The following MUC13 variants were observed in gnomAD, a reference collection of about 807,000 sequenced individuals.
MUC13 encodes the protein mucin-13.
In MUC13, 32 loss-of-function variants were observed where a neutral mutation model predicts 48.3. The ratio of observed to expected loss-of-function variants is 0.66; its 90% confidence interval spans 0.50 to 0.89. The LOEUF is 0.89. Ranked by LOEUF, MUC13 falls within the 40% of genes least tolerant of loss-of-function variation. The probability of loss-of-function intolerance (pLI) is 0.00; values close to 1 mark genes in which losing one functional copy is unlikely to be tolerated. For synonymous variants in MUC13, 199 were observed against 224.9 expected, an observed-to-expected ratio of 0.88 and a Z score of 1.03; for missense variants, 571 against 622.8, an observed-to-expected ratio of 0.92 and a Z score of 0.88.
At chr3:124,916,812 G>A (rs1321866526) in intron 5 of MUC13, among the ~76,000 whole-genome samples, 1 of 152,178 alleles carries the variant, frequency 6.6e-6, no homozygotes, top group Non-Finnish European at 1.5e-5. Flanking sequence ...ATTAGAACAA[G>A]TAATACCTGA....
chr3:124,934,351 A>C (rs1433004157), intron 1 of MUC13, among the ~76,000 whole-genome samples: 1 of 152,086 alleles, frequency 6.6e-6, no homozygotes, highest in Non-Finnish European at 1.5e-5. Flanking sequence ...GTAGAGATGG[A>C]GTTTCACCAT....
At chr3:124,916,162 AG>A (rs1367597213) in intron 6 of MUC13, among the ~76,000 whole-genome samples, 154 bp downstream of exon 6, 1 of 152,256 alleles carries the variant, frequency 6.6e-6, no homozygotes, top group East Asian at 1.9e-4. Context: ...CAAGCGAACA[AG>A]AAAAGGGAAG....
intron 3 of MUC13, 76 bp downstream of exon 3, chr3:124,923,451 C>T: frequency 1.3e-6 from 2 of 1,485,762 alleles, no homozygotes; most frequent in East Asian, 2.3e-5. Context: ...TCTCCTTTTG[C>T]CATCATTTTG....
intron 6 of MUC13, among the ~76,000 whole-genome samples, chr3:124,915,594 G>A (rs1274613957): frequency 1.3e-5 from 2 of 152,218 alleles, no homozygotes. Flanking sequence ...TAGGGTTGCA[G>A]TAAATAAATG....
intron 5 of MUC13, chr3:124,920,023 C>A: frequency 1.7e-6 from 1 of 603,528 alleles, no homozygotes; most frequent in Non-Finnish European, 3.0e-6. Flanking sequence ...ATTTTGCCTT[C>A]CCCAGGCCAT....
At chr3:124,917,101 C>T (rs112132212) in intron 5 of MUC13, among the ~76,000 whole-genome samples, 6 of 152,084 alleles carry the variant, frequency 3.9e-5, no homozygotes, top group African/African-American at 1.4e-4. Flanking sequence ...TATGAAGTGC[C>T]TGCCATGAGC....
chr3:124,912,963 T>G, intron 8 of MUC13, 148 bp downstream of exon 8: 2 of 612,686 alleles, frequency 3.3e-6, no homozygotes, highest in Non-Finnish European at 5.1e-6. Context: ...AAAAAACTAT[T>G]GATGATGACA....
intron 1 of MUC13, among the ~76,000 whole-genome samples, chr3:124,933,147 G>A (rs1935824145): frequency 6.6e-6 from 1 of 152,034 alleles, no homozygotes; most frequent in Non-Finnish European, 1.5e-5. Flanking sequence ...CCAGCATTAA[G>A]AGCTTGAAAC....
At position 124,906,263 on chromosome 3, in the gene MUC13, C is replaced by A. The variant is rs913014788; in HGVS notation, c.*480G>T. On this transcript the variant is annotated 3_prime_UTR_variant, in exon 12 of 12. Coordinates refer to ENST00000616727, the MANE Select transcript of MUC13 (RefSeq NM_033049.4). ...GACTTGTCAGAGAGTGAGCTTGTGA[C>A]CCTTGAAAGATGGTGGGTATCCCTT... 2.6e-5 allele frequency: 4 copies of A among 152,602 alleles called. No individual in the cohort carries two copies. Among genetic ancestry groups the A allele is most frequent in the African/African-American group, 9.7e-5 (4 of 41,446 alleles). The allele number at this position is 152,602 out of a possible 1,614,324, so 9.5% of individuals were successfully genotyped here.
intron 11 of MUC13, among the ~76,000 whole-genome samples, chr3:124,907,548 G>T (rs1032745191): frequency 6.6e-6 from 1 of 152,096 alleles, no homozygotes; most frequent in Non-Finnish European, 1.5e-5. Context: ...AGCCCAGGAG[G>T]TTGAGGCTAC....
chr3:124,912,771 A>G (rs937010252), intron 8 of MUC13, among the ~76,000 whole-genome samples: 1 of 152,110 alleles, frequency 6.6e-6, no homozygotes, highest in East Asian at 1.9e-4. Context: ...CCCCGTCTCC[A>G]CTAAAAATAC....
intron 1 of MUC13, 139 bp from the exon 2 acceptor site, chr3:124,928,132 TC>T: frequency 1.5e-6 from 1 of 668,116 alleles, no homozygotes; most frequent in Non-Finnish European, 2.4e-6. Flanking sequence ...CCTAGATTGG[TC>T]ATAAACCCCT....
intron 1 of MUC13, among the ~76,000 whole-genome samples, chr3:124,929,185 T>A (rs116357932): frequency 0.014 from 2,165 of 151,702 alleles, 23 homozygotes; most frequent in African/African-American, 0.016. Context: ...ATTTTATTTT[T>A]TTTTTTTAGA....
chr3:124,929,499 T>C (rs1161802814), intron 1 of MUC13, among the ~76,000 whole-genome samples: 2 of 152,180 alleles, frequency 1.3e-5, no homozygotes, highest in African/African-American at 2.4e-5. Context: ...CCCCGATGGG[T>C]CTATGAGCCC....
intron 10 of MUC13, 102 bp downstream of exon 10, chr3:124,910,313 G>C: frequency 6.8e-7 from 1 of 1,474,072 alleles, no homozygotes; most frequent in Non-Finnish European, 9.1e-7. Flanking sequence ...GTGGGAGGAT[G>C]GCTTGAGTTC....
intron 8 of MUC13, 71 bp downstream of exon 8, chr3:124,913,040 C>T (rs1408347914): frequency 1.6e-5 from 25 of 1,547,358 alleles, no homozygotes; most frequent in Non-Finnish European, 1.9e-5. Flanking sequence ...CACCTATATA[C>T]GTGTTGTAAG....
Position 124,907,204 on chromosome 3 carries a change from C to T in MUC13, c.*1-462G>A, listed in dbSNP as rs182694995. Reference sequence around the variant, plus strand: ...ATTATTTTTTGTAAAAATGGGGTCTCATTATTTGCCCAGGCTGGTCTCGAA... The same window carrying T: ...ATTATTTTTTGTAAAAATGGGGTCTTATTATTTGCCCAGGCTGGTCTCGAA... On this transcript the variant is annotated intron_variant, in intron 11 of 11. Transcript: ENST00000616727. Among the ~76,000 whole-genome samples, 606 of 152,274 alleles carry T rather than the reference C, an allele frequency of 4.0e-3. 2 individuals carry two copies. Among genetic ancestry groups the T allele is most frequent in the South Asian group, 0.02 (97 of 4,826 alleles).
At chr3:124,918,898 C>T (rs1446334909) in intron 5 of MUC13, among the ~76,000 whole-genome samples, 1 of 152,226 alleles carries the variant, frequency 6.6e-6, no homozygotes, top group Non-Finnish European at 1.5e-5. Context: ...GCCAGCCTCC[C>T]ACCATGAAAA....
At chr3:124,919,337 CAA>C (rs566468497) in intron 5 of MUC13, among the ~76,000 whole-genome samples, 1,487 of 91,432 alleles carry the variant, frequency 0.016, 15 homozygotes, top group Non-Finnish European at 0.023. Context: ...GATTCCATCT[CAA>C]AAAAAAAAAA....
Sources: gnomAD v4.1 joint callset for allele counts (sites outside exome capture counted in the v4.1 genomes callset) on GRCh38, gnomAD v4.1.1 for gene constraint, MANE v1.5 for transcripts, NCBI Gene and HGNC (gene_info 2026-07-23, HGNC 2026-07-21) for gene names.